Variants in ATP13A2 observed in about 807,000 individuals in gnomAD.
ATP13A2 encodes ATPase cation transporting 13A2, also known as polyamine-transporting ATPase 13A2.
ATP13A2 carries 83 observed loss-of-function variants against 138.3 expected under a neutral mutation model. The observed-to-expected ratio is 0.60, with a 90% CI of 0.50 to 0.72. The LOEUF (loss-of-function observed/expected upper bound fraction) is 0.72. ATP13A2 is among the 30% of genes least tolerant of loss of function. The pLI is 0.00. For synonymous variants in ATP13A2, 663 were observed against 699.0 expected, an observed-to-expected ratio of 0.95 and a Z score of 0.81; for missense variants, 1,402 against 1,606.4, an observed-to-expected ratio of 0.87 and a Z score of 2.17.
intron 16 of ATP13A2, among the ~76,000 whole-genome samples, 188 bp from the exon 17 acceptor site, chr1:16,992,769 C>T (rs184524466): frequency 8.3e-4 from 127 of 152,352 alleles, no homozygotes; most frequent in African/African-American, 2.9e-3. Context: ...ACCTGGAATA[C>T]GTCACTCCAA....
At chr1:16,987,582 C>T (rs1367418899) in intron 25 of ATP13A2, among the ~76,000 whole-genome samples, 2 of 152,212 alleles carry the variant, frequency 1.3e-5, no homozygotes, top group African/African-American at 4.8e-5. Flanking sequence ...GTCCCTATAG[C>T]TACCAGGGCA....
At chr1:17,007,556 T>C (rs943183692) in intron 1 of ATP13A2, among the ~76,000 whole-genome samples, 7 of 147,100 alleles carry the variant, frequency 4.8e-5, no homozygotes, top group Admixed American at 6.8e-5. Context: ...TTTCCTTTTT[T>C]TTTTTTTTTT....
In ATP13A2 at chr1:16,989,672, C is replaced by A. The variant is rs1356187356; in HGVS notation, c.2609+19G>T. ...CAGTCTCCGCAGGCCCTTGCCCACA[C>A]CCTCTGCCGAGCACTCACTGAAGCT... On this transcript the variant is annotated intron_variant, in intron 23 of 28. Coordinates refer to ENST00000326735, the MANE Select transcript of ATP13A2 (RefSeq NM_022089.4). 7.4e-6 allele frequency: 12 copies of A among 1,613,638 alleles called. No homozygotes were observed. The highest frequency in any genetic ancestry group is 1.6e-4 in the Middle Eastern group (1 of 6,082).
At position 16,989,703 on chromosome 1, in the gene ATP13A2, A is replaced by G; in HGVS notation, c.2597T>C (p.Leu866Pro). 1 of 1,614,100 alleles carries G rather than the reference A, an allele frequency of 6.2e-7. No homozygotes were observed. The highest frequency in any genetic ancestry group is 8.5e-7 in the Non-Finnish European group (1 of 1,180,030). The change falls in exon 23 of 29, where the codon CTA (leucine) becomes CCA (proline). Residue 866 changes from leucine to proline, a missense_variant. Physicochemically the swap from Leu to Pro is moderately conservative, Grantham distance 98. Coordinates refer to ENST00000326735, the MANE Select transcript of ATP13A2 (RefSeq NM_022089.4). Reference sequence around the variant, plus strand: ...GCCGAGCACTCACTGAAGCTTCTGTAGCTCGCACACCAGCTCTGTCTTCTG... The same window carrying G: ...GCCGAGCACTCACTGAAGCTTCTGTGGCTCGCACACCAGCTCTGTCTTCTG... ...PEQKTELVCE[L>P]QKLQYCVGMC...
At position 17,011,782 on chromosome 1, in the gene ATP13A2, C is replaced by G; in HGVS notation, c.-44G>C. Reference sequence around the variant, plus strand: ...TCGCCGGCCCCGGCGCTGCGGCCCTCGGCCTGGGCCCCGGCGTGCGCAAGG... The same window carrying G: ...TCGCCGGCCCCGGCGCTGCGGCCCTGGGCCTGGGCCCCGGCGTGCGCAAGG... On this transcript the variant is annotated 5_prime_UTR_variant, in exon 1 of 29. Transcript: ENST00000326735. The surrounding 1 kb of genome is among the most constrained non-coding windows in gnomAD (Gnocchi z 7.3). 1 of 1,391,396 alleles carries G rather than the reference C, an allele frequency of 7.2e-7. No individual in the cohort carries two copies. The highest frequency in any genetic ancestry group is 9.3e-7 in the Non-Finnish European group (1 of 1,071,396). 86.2% of individuals were successfully genotyped at this position (1,391,396 alleles called of 1,614,324 possible). A position where few individuals can be genotyped will look rare whatever the true frequency, so the allele number is the denominator to read the frequency against.
chr1:17,005,368 T>C lies in ATP13A2; in HGVS notation c.288+6A>G, dbSNP rs1291996530. ...TCTCTAGCCCCAGGCTCAGCCTGACTCTCACCTCTTTGTCTCTTATTTCGA... is the reference window on the plus strand; with the variant it reads ...TCTCTAGCCCCAGGCTCAGCCTGACCCTCACCTCTTTGTCTCTTATTTCGA... On this transcript the variant is annotated splice_donor_region_variant and intron_variant, in intron 3 of 28. Transcript: ENST00000326735. 2 of 1,592,270 alleles carry C rather than the reference T, an allele frequency of 1.3e-6. No homozygotes were observed. Among genetic ancestry groups the C allele is most frequent in the Non-Finnish European group, 1.7e-6 (2 of 1,169,050 alleles).
chr1:17,002,388 G>C lies in ATP13A2; in HGVS notation c.558-15C>G. 3.1e-6 allele frequency: 5 copies of C among 1,611,052 alleles called. No homozygotes were observed. The highest frequency in any genetic ancestry group is 4.2e-6 in the Non-Finnish European group (5 of 1,179,132). On this transcript the variant is annotated splice_polypyrimidine_tract_variant and intron_variant, in intron 6 of 28. Coordinates refer to ENST00000326735, the MANE Select transcript of ATP13A2 (RefSeq NM_022089.4). ...GGTCCAGGAGGCTGGGGGTGGGTGC[G>C]AGGGGACACGCATGGGCCATGGGGC...
intron 1 of ATP13A2, 135 bp from the exon 2 acceptor site, chr1:17,005,913 T>A: frequency 1.3e-6 from 1 of 743,116 alleles, no homozygotes; most frequent in Non-Finnish European, 2.2e-6. Flanking sequence ...GGCGGGTGGA[T>A]CACCTGAGGT....
chr1:16,989,244 C>T (rs2076839609), intron 23 of ATP13A2, among the ~76,000 whole-genome samples: 2 of 152,148 alleles, frequency 1.3e-5, no homozygotes, highest in Non-Finnish European at 2.9e-5. Context: ...CGGAGTCTCG[C>T]TCTGTTGCCC....
At position 16,993,633 on chromosome 1, in the gene ATP13A2, C is replaced by T. The variant is rs866709853; in HGVS notation, c.1745G>A (p.Gly582Asp). The stretch of plus-strand genomic sequence containing the variant: ...TGACCTGCTTGGCCTCCTCACCCAG[C>T]CAGTAGACTCCACCATCTTCAAGTC... ...PMDLKMVEST[G>D]WVLEEEPAAD... The change falls in exon 16 of 29, where the codon GGC becomes GAC. Residue 582 changes from glycine (G) to aspartate (D), a missense_variant. Coordinates refer to ENST00000326735, the MANE Select transcript of ATP13A2 (RefSeq NM_022089.4). 7 of 1,583,340 alleles carry T rather than the reference C, an allele frequency of 4.4e-6. No individual in the cohort carries two copies. Among genetic ancestry groups the T allele is most frequent in the African/African-American group, 1.3e-5 (1 of 74,606 alleles).
chr1:17,010,733 C>T (rs1268986291), intron 1 of ATP13A2, among the ~76,000 whole-genome samples: 2 of 152,184 alleles, frequency 1.3e-5, no homozygotes, highest in Non-Finnish European at 2.9e-5. Context: ...GGACTTGAAC[C>T]TCGTCTGAGG....
rs376070950 is a variant in ATP13A2, at chr1:16,992,353, G to C, written c.1895C>G (p.Ser632Trp). Residue 632 changes from serine to tryptophan, a missense_variant, in exon 18 of 29, where the codon TCG becomes TGG. Ser to Trp is a radical substitution (Grantham distance 177). Coordinates refer to ENST00000326735, the MANE Select transcript of ATP13A2 (RefSeq NM_022089.4). Reference protein sequence around the residue: ...VSVLHRFPFSSALQRMSVVVA... With the variant: ...VSVLHRFPFSWALQRMSVVVA... ...CACCACACTCATGCGCTGCAGAGCC[G>C]AAGAGAAGGGGAAGCGGTGGAGGAC... The C allele has an allele frequency of 6.2e-7, 1 of 1,613,286 alleles. No individual in the cohort carries two copies. The highest frequency in any genetic ancestry group is 1.3e-5 in the African/African-American group (1 of 75,062).
At chr1:17,009,031 G>A (rs574190811) in intron 1 of ATP13A2, among the ~76,000 whole-genome samples, 3 of 151,464 alleles carry the variant, frequency 2.0e-5, no homozygotes, top group Non-Finnish European at 1.5e-5. Flanking sequence ...CCATCCCTGC[G>A]GTGCTGATTT....
chr1:17,002,748 C>G (rs1055481892), intron 6 of ATP13A2, among the ~76,000 whole-genome samples: 2 of 152,112 alleles, frequency 1.3e-5, no homozygotes, highest in African/African-American at 4.8e-5. Flanking sequence ...GCACCTACCA[C>G]ATAGGGCCAT....
At position 16,986,918 on chromosome 1, in the gene ATP13A2, T is replaced by C. The variant is rs1401328765; in HGVS notation, c.3122A>G (p.Asn1041Ser). Residue 1041 changes from asparagine (N) to serine (S), a missense_variant, in exon 27 of 29, where the codon AAC becomes AGC. By Grantham distance (46) the Asn-to-Ser change is conservative. Coordinates refer to ENST00000326735, the MANE Select transcript of ATP13A2 (RefSeq NM_022089.4). The surrounding 1 kb of genome is among the most constrained non-coding windows in gnomAD (Gnocchi z 6.9). ...PLNRTVAAPD[N>S]LPNYENTVVF... Reference sequence around the variant, plus strand: ...CACGGTGTTCTCGTAGTTGGGCAGGTTGTCTGGTGCGGCCACTGTCCTGTT... The same window carrying C: ...CACGGTGTTCTCGTAGTTGGGCAGGCTGTCTGGTGCGGCCACTGTCCTGTT... 1.2e-6 allele frequency: 2 copies of C among 1,613,866 alleles called. No homozygotes were observed. The highest frequency in any genetic ancestry group is 1.7e-6 in the Non-Finnish European group (2 of 1,179,938).
chr1:16,991,214 G>C (rs192114925), intron 20 of ATP13A2, among the ~76,000 whole-genome samples: 1 of 152,318 alleles, frequency 6.6e-6, no homozygotes, highest in Non-Finnish European at 1.5e-5. Flanking sequence ...GCCTCCCAAA[G>C]TGCTGGGATT....
chr1:16,993,790 G>C lies in ATP13A2; in HGVS notation c.1588C>G (p.Pro530Ala), dbSNP rs1370626242. 1 of 1,584,978 alleles carries C rather than the reference G, an allele frequency of 6.3e-7. No individual in the cohort carries two copies. Among genetic ancestry groups the C allele is most frequent in the Non-Finnish European group, 8.6e-7 (1 of 1,166,386 alleles). ...EDGLDVMGVV[P>A]LKGQAFLPLV... ...GGCAGGAATGCCTGCCCCTTCAGGG[G>C]CACCACCCCCATCACGTCTAAGCCG... The change falls in exon 16 of 29, where the codon CCC becomes GCC. Residue 530 changes from proline to alanine, a missense_variant. Transcript: ENST00000326735.
Position 16,986,995 on chromosome 1 carries a change from G to A in ATP13A2, c.3084-39C>T. The stretch of plus-strand genomic sequence containing the variant: ...GATGGGGGTCAGGGAACGAACGTGG[G>A]GTGGACAGGGAAGGGGCGGGATGGG... On this transcript the variant is annotated intron_variant, in intron 26 of 28. Transcript: ENST00000326735. This position sits in a 1 kb window ranked among gnomAD's most constrained non-coding sequence, Gnocchi z 6.9. The A allele has an allele frequency of 6.2e-7, 1 of 1,613,176 alleles. No homozygotes were observed. Among genetic ancestry groups the A allele is most frequent in the Non-Finnish European group, 8.5e-7 (1 of 1,179,488 alleles).
intron 8 of ATP13A2, among the ~76,000 whole-genome samples, chr1:17,001,718 C>T (rs1473043980): frequency 6.6e-6 from 1 of 152,196 alleles, no homozygotes; most frequent in East Asian, 1.9e-4. Flanking sequence ...GGAGGACGCA[C>T]AGAGAGGACC....
Sources: allele counts gnomAD v4.1 joint callset (sites outside exome capture counted in the v4.1 genomes callset), GRCh38; gene constraint gnomAD v4.1.1; non-coding constraint Gnocchi (gnomAD v3.1); transcripts MANE v1.5; gene names NCBI Gene and HGNC (gene_info 2026-07-23, HGNC 2026-07-21).